LRRC7: variants seen among roughly 807,000 people sequenced by gnomAD.
LRRC7 encodes the protein leucine-rich repeat-containing protein 7.
LRRC7 carries 23 observed loss-of-function variants against 175.7 expected under a neutral mutation model. The observed-to-expected ratio is 0.13, with a 90% CI of 0.09 to 0.19. The LOEUF (loss-of-function observed/expected upper bound fraction) is 0.19. Ranked by LOEUF, LRRC7 falls within the 10% of genes least tolerant of loss-of-function variation. The pLI, the probability that LRRC7 is intolerant of heterozygous loss-of-function variation, is 1.00. For missense variants in LRRC7, 1,354 were observed against 1,904.7 expected (o/e 0.71, Z 5.38); for synonymous variants, 685 against 680.9 (o/e 1.01, Z -0.09).
chr1:69,857,857 A>G (rs1683870793), intron 7 of LRRC7, among the ~76,000 whole-genome samples: 1 of 152,132 alleles, frequency 6.6e-6, no homozygotes, highest in Non-Finnish European at 1.5e-5. Flanking sequence ...CTGACTTCAA[A>G]CTCTACTACA....
rs372250538 is a variant in LRRC7, at chr1:70,039,507, C to T, written c.3683C>T (p.Pro1228Leu). ...GTGAAAGCTCAGGCGGGAAGTTTTC[C>T]GGTTAAAAACCTTACCCAAAGGAGG... is the stretch of plus-strand genomic sequence containing the variant. ...QEVKAQAGSF[P>L]VKNLTQRRPL... Residue 1228 changes from proline to leucine, a missense_variant, in exon 21 of 27, where the codon CCG (proline) becomes CTG (leucine). Physicochemically the swap from Pro to Leu is moderately conservative, Grantham distance 98 (BLOSUM62 -3). Transcript: ENST00000651989. 7.4e-6 allele frequency: 12 copies of T among 1,613,976 alleles called. No homozygotes were observed. Among genetic ancestry groups the T allele is most frequent in the Middle Eastern group, 1.6e-4 (1 of 6,084 alleles).
chr1:69,597,477 T>C (rs766166731), intron 1 of LRRC7, among the ~76,000 whole-genome samples: 2 of 152,184 alleles, frequency 1.3e-5, no homozygotes, highest in Non-Finnish European at 1.5e-5. Flanking sequence ...GTTTTCCCAC[T>C]CTTCTAGGTT....
At chr1:69,741,722 C>T (rs1198313448) in intron 2 of LRRC7, among the ~76,000 whole-genome samples, 1 of 151,994 alleles carries the variant, frequency 6.6e-6, no homozygotes, top group African/African-American at 2.4e-5. Context: ...CCGAGTCTTG[C>T]TGATTATGAC....
rs1240282502 is a variant in LRRC7, at chr1:69,568,161, G to C, written c.-479G>C. Among the ~76,000 whole-genome samples the C allele has an allele frequency of 6.6e-6, 1 of 152,106 alleles. No individual in the cohort carries two copies. The highest frequency in any genetic ancestry group is 1.5e-5 in the Non-Finnish European group (1 of 68,016). ...CCTCGCCCTGCACAGGCGCGGCAAC[G>C]GGCAGGGGTTGTTACGGAGTTGGGT... On this transcript the variant is annotated 5_prime_UTR_variant, in exon 1 of 27. Coordinates refer to ENST00000651989, the MANE Select transcript of LRRC7 (RefSeq NM_001370785.2).
intron 1 of LRRC7, among the ~76,000 whole-genome samples, chr1:69,594,043 G>T (rs1404723279): frequency 6.6e-6 from 1 of 152,040 alleles, no homozygotes; most frequent in Non-Finnish European, 1.5e-5. Flanking sequence ...TCATATTGTG[G>T]TATATTGAGA....
intron 7 of LRRC7, among the ~76,000 whole-genome samples, chr1:69,841,309 C>A (rs1486272300): frequency 2.0e-5 from 3 of 151,856 alleles, no homozygotes; most frequent in African/African-American, 4.8e-5. Context: ...AAGACAGAAG[C>A]CTTGGTCTTC....
chr1:70,074,540 G>A lies in LRRC7; in HGVS notation c.4231-1537G>A, dbSNP rs188901048. On this transcript the variant is annotated intron_variant, in intron 23 of 26. Coordinates refer to ENST00000651989, the MANE Select transcript of LRRC7 (RefSeq NM_001370785.2). ...GATCTGTAATCACTGGATATGCGTT[G>A]GACAGAGTTGGATTGATAATTGATT... Among the ~76,000 whole-genome samples the A allele has an allele frequency of 7.6e-4, 116 of 152,308 alleles. 1 individual carries two copies. The highest frequency in any genetic ancestry group is 4.2e-3 in the Admixed American group (64 of 15,302).
At chr1:69,862,353 G>A (rs1218246442) in intron 7 of LRRC7, among the ~76,000 whole-genome samples, 1 of 152,028 alleles carries the variant, frequency 6.6e-6, no homozygotes, top group Non-Finnish European at 1.5e-5. Context: ...AAAAGAATCA[G>A]GCTTCTTTCA....
intron 8 of LRRC7, among the ~76,000 whole-genome samples, chr1:69,974,455 A>G (rs1479651602): frequency 6.6e-6 from 1 of 152,224 alleles, no homozygotes; most frequent in Non-Finnish European, 1.5e-5. Context: ...CCCATTTATG[A>G]GAGTGCTCAT....
chr1:69,890,991 C>T (rs1322531568), intron 7 of LRRC7, among the ~76,000 whole-genome samples: 6 of 152,244 alleles, frequency 3.9e-5, no homozygotes, highest in African/African-American at 1.4e-4. Context: ...GTCCAGACCA[C>T]TACCACTTTC....
At chr1:69,643,911 C>T (rs976135735) in intron 1 of LRRC7, among the ~76,000 whole-genome samples, 6 of 151,768 alleles carry the variant, frequency 4.0e-5, no homozygotes, top group African/African-American at 1.4e-4. Flanking sequence ...CTAAATTAAA[C>T]AACGTATTTA....
At chr1:69,762,160 C>G (rs1029788368) in intron 3 of LRRC7, among the ~76,000 whole-genome samples, 8 of 151,768 alleles carry the variant, frequency 5.3e-5, no homozygotes, top group Non-Finnish European at 8.8e-5. Flanking sequence ...ATCTAGCAAC[C>G]CTAGGCCAAT....
At chr1:69,608,850 CTCTCTCTCTCTCTCTCTATATATATA>C (rs752599400) in intron 1 of LRRC7, among the ~76,000 whole-genome samples, 3,037 of 48,294 alleles carry the variant, frequency 0.063, 28 homozygotes, top group Admixed American at 0.087. Context: ...CTCTCTCTCT[CTCTCTCTCTCTCTCTCTATATATATA>C]TATATATATA....
rs1666953341 is a variant in LRRC7 at position 70,138,510 on chromosome 1, A to C, written c.*16623A>C. ...TTGTGACTGAGCTATATGATAAACT[A>C]AGGAAAACTACAGAAGTTATGTCTA... On this transcript the variant is annotated 3_prime_UTR_variant, in exon 27 of 27. Coordinates refer to ENST00000651989, the MANE Select transcript of LRRC7 (RefSeq NM_001370785.2). 1 of 152,240 alleles carries C rather than the reference A, an allele frequency of 6.6e-6. No individual in the cohort carries two copies. Among genetic ancestry groups the C allele is most frequent in the Admixed American group, 6.5e-5 (1 of 15,286 alleles). 9.4% of individuals were successfully genotyped at this position (152,240 alleles called of 1,614,324 possible).
intron 7 of LRRC7, among the ~76,000 whole-genome samples, chr1:69,910,696 C>T (rs1444594263): frequency 2.6e-5 from 4 of 152,230 alleles, no homozygotes; most frequent in African/African-American, 7.2e-5. Context: ...TCTCCAGCTG[C>T]ATGCTGGGAG....
intron 4 of LRRC7, among the ~76,000 whole-genome samples, chr1:69,803,193 A>G (rs529724039): frequency 3.3e-5 from 5 of 151,518 alleles, no homozygotes; most frequent in African/African-American, 1.2e-4. Context: ...CTGAAAATAC[A>G]AGTCCACTTT....
chr1:69,733,051 A>G (rs573240555), intron 2 of LRRC7, among the ~76,000 whole-genome samples: 44 of 152,184 alleles, frequency 2.9e-4, no homozygotes, highest in African/African-American at 9.9e-4. Flanking sequence ...AAAAATACAT[A>G]GAACATGTAT....
intron 1 of LRRC7, among the ~76,000 whole-genome samples, chr1:69,595,345 A>C (rs1321980204): frequency 6.6e-6 from 1 of 152,116 alleles, no homozygotes; most frequent in Non-Finnish European, 1.5e-5. Context: ...GCTTGAACCC[A>C]GGAGGCGGAA....
chr1:69,879,870 G>A (rs1468295125), intron 7 of LRRC7: 1 of 152,278 alleles, frequency 6.6e-6, no homozygotes, highest in African/African-American at 2.4e-5. Context: ...CATTCCCTAA[G>A]CCATGGAGTC....
Sources: allele counts gnomAD v4.1 joint callset (sites outside exome capture counted in the v4.1 genomes callset), GRCh38; gene constraint gnomAD v4.1.1; transcripts MANE v1.5; gene names NCBI Gene and HGNC (gene_info 2026-07-23, HGNC 2026-07-21).